Variants in VPS4A observed in about 807,000 individuals in gnomAD.
The protein encoded by VPS4A is vacuolar protein sorting-associated protein 4A.
In VPS4A, 20 loss-of-function variants were observed where a neutral mutation model predicts 52.3. That is an observed-to-expected ratio of 0.38 (90% confidence interval 0.27 to 0.56). The LOEUF (loss-of-function observed/expected upper bound fraction) is 0.56, where lower values mean the gene tolerates loss of function less well. Among genes scored for constraint, VPS4A ranks in the 20% least tolerant of loss-of-function variants. The pLI is 0.72. For missense variants in VPS4A, 419 were observed against 575.9 expected (o/e 0.73, Z 2.79); for synonymous variants, 293 against 227.7 (o/e 1.29, Z -2.58).
At chr16:69,316,739 A>G (rs192560259) in intron 3 of VPS4A, among the ~76,000 whole-genome samples, 75 of 152,240 alleles carry the variant, frequency 4.9e-4, no homozygotes, top group Admixed American at 4.1e-3. Flanking sequence ...GAGCAGTGAG[A>G]TGACGTGGGC....
Position 69,321,029 on chromosome 16 carries a change from T to C in VPS4A, c.852-22T>C, listed in dbSNP as rs758412319. On this transcript the variant is annotated intron_variant, in intron 8 of 10. Coordinates refer to ENST00000254950, the MANE Select transcript of VPS4A (RefSeq NM_013245.3). This position sits in a 1 kb window ranked among gnomAD's most constrained non-coding sequence, Gnocchi z 4.5. ...CATTCCATCATCCGCTGTCAACTCC[T>C]GCCGTGTGCTGGGCTCTCTAGGTTT... is the stretch of plus-strand genomic sequence containing the variant. 6.4e-7 allele frequency: 1 copy of C among 1,558,072 alleles called. No homozygotes were observed.
intron 5 of VPS4A, 95 bp from the exon 6 acceptor site, chr16:69,319,292 C>T (rs1179684079): frequency 7.9e-6 from 12 of 1,516,116 alleles, no homozygotes; most frequent in Non-Finnish European, 1.1e-5. Context: ...TCACAGAATG[C>T]CCTGTTTTAC....
In VPS4A at chr16:69,320,845, C is replaced by T; in HGVS notation, c.851+76C>T. ...TCACGGTCCGCCTGCTGCTGGCAGCCCGGGTGCAGCCTGGCCCCTTTTCCC... is the reference window on the plus strand; with the variant it reads ...TCACGGTCCGCCTGCTGCTGGCAGCTCGGGTGCAGCCTGGCCCCTTTTCCC... On this transcript the variant is annotated intron_variant, in intron 8 of 10. Transcript: ENST00000254950. This position sits in a 1 kb window ranked among gnomAD's most constrained non-coding sequence, Gnocchi z 4.2. 2.1e-6 allele frequency: 3 copies of T among 1,434,038 alleles called. No individual in the cohort carries two copies. The highest frequency in any genetic ancestry group is 2.9e-6 in the Non-Finnish European group (3 of 1,044,146). 88.8% of individuals were successfully genotyped at this position (1,434,038 alleles called of 1,614,324 possible).
intron 10 of VPS4A, chr16:69,323,779 G>C (rs1290443831): frequency 5.0e-6 from 2 of 396,684 alleles, no homozygotes; most frequent in East Asian, 1.4e-4. Flanking sequence ...GTGAAACCCC[G>C]TCTCTGCTAA....
chr16:69,313,019 C>A (rs551993024), intron 1 of VPS4A, among the ~76,000 whole-genome samples: 1 of 151,990 alleles, frequency 6.6e-6, no homozygotes, highest in African/African-American at 2.4e-5. Flanking sequence ...CATTCTGTCA[C>A]CCAGGCTGGA....
intron 9 of VPS4A, 51 bp from the exon 10 acceptor site, chr16:69,322,509 C>A: frequency 6.4e-7 from 1 of 1,562,316 alleles, no homozygotes; most frequent in South Asian, 1.2e-5. Context: ...AGGGGTCGAG[C>A]CCCTCTGACA....
rs1192571560 is a variant in VPS4A, at chr16:69,320,764, G to A, written c.846G>A (p.Arg282=). ...NIPWVLDSAI[R]RRFEKRIYIP... is the part of the protein sequence containing the mutation. Reference sequence around the variant, plus strand: ...CATGGGTGTTGGATTCGGCCATCAGGAGGAGGTGAGTCTTCCCCAGGAGAA... The same window carrying A: ...CATGGGTGTTGGATTCGGCCATCAGAAGGAGGTGAGTCTTCCCCAGGAGAA... Residue 282 remains arginine (R), a synonymous_variant, in exon 8 of 11, where the codon AGG becomes AGA. Transcript: ENST00000254950. The surrounding 1 kb of genome is among the most constrained non-coding windows in gnomAD (Gnocchi z 4.2). The A allele has an allele frequency of 2.5e-6, 4 of 1,604,688 alleles. No individual in the cohort carries two copies. The South Asian group carries it at 4.5e-5, about 18-fold the overall frequency.
chr16:69,318,801 C>T (rs201363243), intron 4 of VPS4A, 22 bp from the exon 5 acceptor site: 39 of 1,610,424 alleles, frequency 2.4e-5, no homozygotes, highest in South Asian at 4.4e-5. Context: ...GGCCCGGGCC[C>T]GGGCCGGCCT....
At chr16:69,323,943 C>CAAAAAAAAA (rs143292768) in intron 10 of VPS4A, among the ~76,000 whole-genome samples, 20 of 108,640 alleles carry the variant, frequency 1.8e-4, no homozygotes, top group African/African-American at 6.6e-4. Context: ...GACTCCGTCT[C>CAAAAAAAAA]CAAAAAAAAA....
At chr16:69,322,925 G>A (rs553584935) in intron 10 of VPS4A, 16 of 333,090 alleles carry the variant, frequency 4.8e-5, no homozygotes, top group South Asian at 1.8e-4. Flanking sequence ...AAAATTAGCC[G>A]GGTGTGGTGG....
chr16:69,321,000 A>G lies in VPS4A; in HGVS notation c.852-51A>G. ...AATCTTCGTGCCTCCCCTTCCGTGAATACCATTCCATCATCCGCTGTCAAC... is the reference window on the plus strand; with the variant it reads ...AATCTTCGTGCCTCCCCTTCCGTGAGTACCATTCCATCATCCGCTGTCAAC... On this transcript the variant is annotated intron_variant, in intron 8 of 10. Coordinates refer to ENST00000254950, the MANE Select transcript of VPS4A (RefSeq NM_013245.3). The surrounding 1 kb of genome is among the most constrained non-coding windows in gnomAD (Gnocchi z 4.2). The G allele has an allele frequency of 1.3e-6, 2 of 1,523,556 alleles. No homozygotes were observed. The highest frequency in any genetic ancestry group is 2.5e-5 in the East Asian group (1 of 40,650). The allele number at this position is 1,523,556 out of a possible 1,614,324, so 94.4% of individuals were successfully genotyped here. A position where few individuals can be genotyped will look rare whatever the true frequency, so the allele number is the denominator to read the frequency against.
At chr16:69,323,707 C>G (rs1023149301) in intron 10 of VPS4A, 5 of 454,072 alleles carry the variant, frequency 1.1e-5, no homozygotes, top group Middle Eastern at 4.3e-4. Context: ...CCCAGCACTT[C>G]GGGAGGCCGA....
At position 69,320,693 on chromosome 16, in the gene VPS4A, G is replaced by A; in HGVS notation, c.775G>A (p.Gly259Arg). ...TEFLVQMQGV[G>R]NNNDGTLVLG... ...TTGTCTCCCTTTCTCCACAGGGGTG[G>A]GGAATAACAATGATGGGACTCTGGT... is the stretch of plus-strand genomic sequence containing the variant. Residue 259 changes from glycine to arginine, a missense_variant, in exon 8 of 11, where the codon GGG becomes AGG. Gly to Arg is a moderately radical substitution (Grantham distance 125, BLOSUM62 -2). This residue lies in a region of VPS4A where 103 missense variants were observed against 210.3 expected (regional missense o/e 0.49). Transcript: ENST00000254950. This position sits in a 1 kb window ranked among gnomAD's most constrained non-coding sequence, Gnocchi z 4.2. The A allele has an allele frequency of 6.2e-7, 1 of 1,603,312 alleles. No homozygotes were observed. The highest frequency in any genetic ancestry group is 8.5e-7 in the Non-Finnish European group (1 of 1,175,178).
In VPS4A at chr16:69,311,536, C is replaced by T; in HGVS notation, c.21+4C>T. The T allele has an allele frequency of 7.5e-7, 1 of 1,339,944 alleles. No individual in the cohort carries two copies. The highest frequency in any genetic ancestry group is 9.7e-7 in the Non-Finnish European group (1 of 1,032,472). The allele number at this position is 1,339,944 out of a possible 1,614,324, so 83.0% of individuals were successfully genotyped here. A position where few individuals can be genotyped will look rare whatever the true frequency, so the allele number is the denominator to read the frequency against. On this transcript the variant is annotated splice_donor_region_variant and intron_variant, in intron 1 of 10. Coordinates refer to ENST00000254950, the MANE Select transcript of VPS4A (RefSeq NM_013245.3). ...AATGACAACGTCAACCCTCCAGGTA[C>T]TTCGTGCGGCCCGGCCCGACTTCGG...
rs756405849 is a variant in VPS4A at position 69,322,589 on chromosome 16, CATG to C, written c.1107_1109del (p.Met369del). 5 of 1,613,666 alleles carry C rather than the reference CATG, an allele frequency of 3.1e-6. No homozygotes were observed. Among genetic ancestry groups the C allele is most frequent in the Non-Finnish European group, 4.2e-6 (5 of 1,179,800 alleles). ...GTGGCCCCTCTCGCACCAACCCCAG[CATG>C]ATGATTGATGACCTCCTGACTCCAT... On this transcript the variant is annotated inframe_deletion, in exon 10 of 11. Coordinates refer to ENST00000254950, the MANE Select transcript of VPS4A (RefSeq NM_013245.3).
At position 69,320,175 on chromosome 16, in the gene VPS4A, C is replaced by T. The variant is rs1267161514; in HGVS notation, c.655C>T (p.His219Tyr). 2.5e-6 allele frequency: 4 copies of T among 1,613,782 alleles called. No homozygotes were observed. Among genetic ancestry groups the T allele is most frequent in the Non-Finnish European group, 3.4e-6 (4 of 1,179,840 alleles). The change falls in exon 7 of 11, where the codon CAC becomes TAC. Residue 219 changes from histidine to tyrosine, a missense_variant. By Grantham distance (83) the His-to-Tyr change is moderately conservative. Transcript: ENST00000254950. The surrounding 1 kb of genome is among the most constrained non-coding windows in gnomAD (Gnocchi z 4.2). ...VKNLFELARQ[H>Y]KPSIIFIDEV... ...GAACCTGTTTGAGCTGGCCAGGCAG[C>T]ACAAGCCCTCCATCATCTTCATCGA...
At chr16:69,318,501 GA>G in intron 3 of VPS4A, 148 bp from the exon 4 acceptor site, 1 of 808,810 alleles carries the variant, frequency 1.2e-6, no homozygotes, top group Non-Finnish European at 2.0e-6. Flanking sequence ...AAATGTCCCT[GA>G]AGTACTTGCT....
intron 1 of VPS4A, among the ~76,000 whole-genome samples, chr16:69,314,333 C>T (rs1965411009): frequency 6.6e-6 from 1 of 152,042 alleles, no homozygotes; most frequent in Non-Finnish European, 1.5e-5. Flanking sequence ...AGTGCTGCTC[C>T]TTATGGGACA....
In VPS4A at chr16:69,324,510, T is replaced by C. The variant is rs1161421901; in HGVS notation, c.*201T>C. 1 of 590,480 alleles carries C rather than the reference T, an allele frequency of 1.7e-6. No individual in the cohort carries two copies. Among genetic ancestry groups the C allele is most frequent in the African/African-American group, 1.9e-5 (1 of 53,816 alleles). The allele number at this position is 590,480 out of a possible 1,614,324, so 36.6% of individuals were successfully genotyped here. On this transcript the variant is annotated 3_prime_UTR_variant, in exon 11 of 11. Coordinates refer to ENST00000254950, the MANE Select transcript of VPS4A (RefSeq NM_013245.3). The stretch of plus-strand genomic sequence containing the variant: ...CACTCCACTGCCCTGGGGCACACAG[T>C]GGACACTGCTCTTCCTACTTCCTCC...
Sources: allele counts gnomAD v4.1 joint callset (sites outside exome capture counted in the v4.1 genomes callset), GRCh38; gene constraint gnomAD v4.1.1; regional missense constraint gnomAD v4.1.1; non-coding constraint Gnocchi (gnomAD v3.1); transcripts MANE v1.5; gene names NCBI Gene and HGNC (gene_info 2026-07-23, HGNC 2026-07-21).